The following FSTL1 variants were observed in gnomAD, a reference collection of about 807,000 sequenced individuals.
The protein encoded by FSTL1 is follistatin like 1.
A neutral mutation model predicts 45.9 loss-of-function variants in FSTL1; 24 were observed. The ratio of observed to expected loss-of-function variants is 0.52; its 90% confidence interval spans 0.38 to 0.74. FSTL1 has a LOEUF of 0.74. Ranked by LOEUF, FSTL1 falls within the 30% of genes least tolerant of loss-of-function variation. FSTL1 has a pLI of 0.00. For missense variants in FSTL1, 340 were observed against 381.8 expected, an observed-to-expected ratio of 0.89 and a Z score of 0.91; for synonymous variants, 120 against 137.6, an observed-to-expected ratio of 0.87 and a Z score of 0.89.
At chr3:120,404,244 A>G (rs1936902639) in intron 7 of FSTL1, among the ~76,000 whole-genome samples, 1 of 152,232 alleles carries the variant, frequency 6.6e-6, no homozygotes, top group Non-Finnish European at 1.5e-5. Flanking sequence ...CTTTAAGGTC[A>G]TAGACTATTA....
chr3:120,414,817 C>A (rs959500721), intron 3 of FSTL1, among the ~76,000 whole-genome samples: 16 of 151,674 alleles, frequency 1.1e-4, no homozygotes, highest in Non-Finnish European at 2.1e-4. Context: ...GTCATCACCA[C>A]TCCCTAATCT....
chr3:120,428,597 G>T (rs999148493), intron 2 of FSTL1, among the ~76,000 whole-genome samples: 4 of 152,134 alleles, frequency 2.6e-5, no homozygotes, highest in African/African-American at 4.8e-5. Context: ...AGCTGGGTGT[G>T]GTGACTTGCA....
chr3:120,416,745 C>T (rs1559738640), intron 2 of FSTL1, among the ~76,000 whole-genome samples: 1 of 152,214 alleles, frequency 6.6e-6, no homozygotes, highest in Non-Finnish European at 1.5e-5. Context: ...CTGCCACTGT[C>T]TTCAAGATTA....
intron 2 of FSTL1, among the ~76,000 whole-genome samples, chr3:120,437,852 A>G (rs1359762587): frequency 5.3e-5 from 8 of 152,214 alleles, no homozygotes; most frequent in Non-Finnish European, 1.0e-4. Flanking sequence ...AAACATCTGC[A>G]TTGGCCTCTG....
chr3:120,450,733 C>T lies in FSTL1; in HGVS notation c.14G>A (p.Trp5Ter). 6.3e-7 allele frequency: 1 copy of T among 1,579,894 alleles called. No homozygotes were observed. The highest frequency in any genetic ancestry group is 8.5e-7 in the Non-Finnish European group (1 of 1,169,762). MWKR[W>*]LALALALVAV... is the part of the protein sequence containing the mutation. The stretch of plus-strand genomic sequence containing the variant: ...CACCAGCGCGAGCGCGAGCGCGAGC[C>T]AGCGTTTCCACATCTGCGGAAGAGA... The change falls in exon 2 of 11, where the codon TGG (tryptophan) becomes TAG (stop). Residue 5 changes from tryptophan to a stop codon, truncating the protein, a stop_gained. Coordinates refer to ENST00000295633, the MANE Select transcript of FSTL1 (RefSeq NM_007085.5). LOFTEE classifies it high-confidence loss of function.
Position 120,399,902 on chromosome 3 carries a change from T to A in FSTL1, c.863A>T (p.Gln288Leu). 1 of 1,606,694 alleles carries A rather than the reference T, an allele frequency of 6.2e-7. No individual in the cohort carries two copies. The highest frequency in any genetic ancestry group is 8.5e-7 in the Non-Finnish European group (1 of 1,176,008). The change falls in exon 10 of 11, where the codon CAG (glutamine) becomes CTG (leucine). Residue 288 changes from glutamine to leucine, a missense_variant. Gln to Leu is a moderately radical substitution (Grantham distance 113). Transcript: ENST00000295633. ...QTEEEMTRYV[Q>L]ELQKHQETAE... Reference sequence around the variant, plus strand: ...ACTCACCTGATGCTTTTGGAGCTCCTGGACATATCTGGTCATCTCCTCCTC... The same window carrying A: ...ACTCACCTGATGCTTTTGGAGCTCCAGGACATATCTGGTCATCTCCTCCTC...
chr3:120,439,775 C>T (rs1034078039), intron 2 of FSTL1, among the ~76,000 whole-genome samples: 4 of 152,158 alleles, frequency 2.6e-5, no homozygotes, highest in South Asian at 2.1e-4. Flanking sequence ...TTATTTAATG[C>T]GGAACAGTTG....
At chr3:120,413,497 C>A (rs927418636) in intron 3 of FSTL1, among the ~76,000 whole-genome samples, 4 of 152,054 alleles carry the variant, frequency 2.6e-5, no homozygotes, top group East Asian at 1.9e-4. Flanking sequence ...CCAGTGAGGA[C>A]CTCCCAGAGC....
Position 120,412,838 on chromosome 3 carries a change from G to GCGCACACACACA in FSTL1, c.169-856_169-855insTGTGTGTGTGCG, listed in dbSNP as rs1429168694. ...CACATGTGCGCGCGCGCGCGCGCGC[G>GCGCACACACACA]CACACACACACACACACACACACAC... On this transcript the variant is annotated intron_variant, in intron 3 of 10. Transcript: ENST00000295633. Among the ~76,000 whole-genome samples the GCGCACACACACA allele has an allele frequency of 5.9e-4, 63 of 106,176 alleles. No individual in the cohort carries two copies. The East Asian group carries it at 6.7e-3, about 11-fold the overall frequency. 69.7% of individuals were successfully genotyped at this position (106,176 alleles called of 152,430 possible). A position where few individuals can be genotyped will look rare whatever the true frequency, so the allele number is the denominator to read the frequency against.
chr3:120,405,170 G>C (rs1043800837), intron 6 of FSTL1, among the ~76,000 whole-genome samples, 199 bp from the exon 7 acceptor site: 1 of 152,174 alleles, frequency 6.6e-6, no homozygotes, highest in African/African-American at 2.4e-5. Context: ...AATGAGAGAG[G>C]AAAAGTGCCT....
chr3:120,443,680 A>G (rs1382990962), intron 2 of FSTL1, among the ~76,000 whole-genome samples: 1 of 149,892 alleles, frequency 6.7e-6, no homozygotes, highest in Non-Finnish European at 1.5e-5. Context: ...AGCTTTTGTC[A>G]TGTATCATAT....
rs768600165 is a variant in FSTL1 at position 120,409,650 on chromosome 3, T to C, written c.344A>G (p.Gln115Arg). The C allele has an allele frequency of 1.2e-6, 2 of 1,613,968 alleles. No individual in the cohort carries two copies. Among genetic ancestry groups the C allele is most frequent in the Non-Finnish European group, 8.5e-7 (1 of 1,179,876 alleles). The change falls in exon 6 of 11, where the codon CAG (glutamine) becomes CGG (arginine). Residue 115 changes from glutamine (Q) to arginine (R), a missense_variant. Transcript: ENST00000295633. ...SPSASPVVCYQSNRDELRRRI... is the reference protein window; with the variant it reads ...SPSASPVVCYRSNRDELRRRI... Reference sequence around the variant, plus strand: ...ACGTCGGAGCTCATCACGGTTGGACTGATAGCAAACAACTGCAGGAAAGTG... The same window carrying C: ...ACGTCGGAGCTCATCACGGTTGGACCGATAGCAAACAACTGCAGGAAAGTG...
At chr3:120,444,517 C>T (rs1426219331) in intron 2 of FSTL1, among the ~76,000 whole-genome samples, 3 of 149,688 alleles carry the variant, frequency 2.0e-5, no homozygotes, top group African/African-American at 7.7e-5. Context: ...CCTTTTTCTC[C>T]TTAAGCAATC....
intron 2 of FSTL1, 91 bp downstream of exon 2, chr3:120,450,593 A>T: frequency 2.5e-6 from 2 of 785,666 alleles, no homozygotes; most frequent in South Asian, 4.0e-5. Context: ...CCACCCCGGG[A>T]GAGCATCCCC....
intron 2 of FSTL1, among the ~76,000 whole-genome samples, chr3:120,417,648 C>A (rs2107658849): frequency 6.6e-6 from 1 of 152,256 alleles, no homozygotes; most frequent in South Asian, 2.1e-4. Flanking sequence ...GCAGGGCCCT[C>A]TTGTGGAAAC....
chr3:120,411,193 A>C (rs1445098460), intron 4 of FSTL1: 2 of 502,110 alleles, frequency 4.0e-6, no homozygotes, highest in Non-Finnish European at 3.7e-6. Context: ...ATTTAGGGCC[A>C]CTGAGTTACC....
At chr3:120,410,400 T>C (rs893111986) in intron 5 of FSTL1, 8 of 197,522 alleles carry the variant, frequency 4.1e-5, no homozygotes, top group African/African-American at 9.5e-5. Context: ...CTGTGTGATA[T>C]AGAAAACTCA....
intron 7 of FSTL1, 110 bp from the exon 8 acceptor site, chr3:120,403,464 A>ATTT: frequency 1.5e-6 from 1 of 659,264 alleles, no homozygotes; most frequent in South Asian, 1.8e-5. Context: ...GAGGCCAAGA[A>ATTT]GATGACTGCT....
At chr3:120,403,193 C>T (rs1229456414) in intron 8 of FSTL1, 49 bp downstream of exon 8, 2 of 1,032,862 alleles carry the variant, frequency 1.9e-6, no homozygotes, top group Admixed American at 1.7e-5. Flanking sequence ...TTGGCTCCTA[C>T]AAAATGCCTC....
Sources: gnomAD v4.1 joint callset for allele counts (sites outside exome capture counted in the v4.1 genomes callset) on GRCh38, gnomAD v4.1.1 for gene constraint, MANE v1.5 for transcripts, NCBI Gene and HGNC (gene_info 2026-07-23, HGNC 2026-07-21) for gene names.